Variants in CSMD1 observed in about 807,000 individuals in gnomAD.
CSMD1 encodes the protein CUB and Sushi multiple domains 1.
In CSMD1, 213 loss-of-function variants were observed where a neutral mutation model predicts 417.5. The observed-to-expected ratio is 0.51, with a 90% CI of 0.46 to 0.57. The LOEUF is 0.57. Ranked by LOEUF, CSMD1 falls within the 20% of genes least tolerant of loss-of-function variation. The pLI is 0.00. For missense variants in CSMD1, 6,923 were observed against 4,529.7 expected (o/e 1.53, Z -15.17); for synonymous variants, 2,862 against 1,736.8 (o/e 1.65, Z -16.11).
chr8:3,816,323 C>G (rs906714177), intron 5 of CSMD1, among the ~76,000 whole-genome samples: 18 of 152,164 alleles, frequency 1.2e-4, no homozygotes, highest in African/African-American at 4.1e-4. Context: ...GTGTTTTCAG[C>G]TACCCACAGT....
At chr8:3,148,195 T>C (rs1437584364) in intron 40 of CSMD1, among the ~76,000 whole-genome samples, 2 of 152,146 alleles carry the variant, frequency 1.3e-5, no homozygotes, top group Non-Finnish European at 2.9e-5. Flanking sequence ...TACAAGATAA[T>C]TGTGGTCACC....
chr8:4,225,691 A>C, intron 3 of CSMD1, among the ~76,000 whole-genome samples: 1 of 152,288 alleles, frequency 6.6e-6, no homozygotes, highest in South Asian at 2.1e-4. Context: ...AAACTGTCTC[A>C]CCAGGCAAGG....
intron 2 of CSMD1, among the ~76,000 whole-genome samples, chr8:4,494,521 C>T (rs1430755396): frequency 1.3e-5 from 2 of 152,104 alleles, no homozygotes; most frequent in Non-Finnish European, 2.9e-5. Context: ...CAATAAATTG[C>T]TTCTATCTAA....
At chr8:3,214,004 C>T (rs1445325141) in intron 30 of CSMD1, among the ~76,000 whole-genome samples, 1 of 151,942 alleles carries the variant, frequency 6.6e-6, no homozygotes, top group Non-Finnish European at 1.5e-5. Context: ...CACCACCACA[C>T]CCAGTTAATT....
intron 26 of CSMD1, among the ~76,000 whole-genome samples, chr8:3,238,237 C>T (rs1165223136): frequency 6.6e-6 from 1 of 151,584 alleles, no homozygotes; most frequent in Non-Finnish European, 1.5e-5. Flanking sequence ...CCAGGATGAG[C>T]CAGGAGAAGG....
chr8:3,732,142 G>C (rs552436684), intron 6 of CSMD1, among the ~76,000 whole-genome samples: 2 of 152,162 alleles, frequency 1.3e-5, no homozygotes, highest in African/African-American at 4.8e-5. Context: ...CGGAAGCCAC[G>C]GGCAAGCCCT....
intron 3 of CSMD1, among the ~76,000 whole-genome samples, chr8:4,271,287 A>G (rs1804578785): frequency 6.6e-6 from 1 of 152,214 alleles, no homozygotes; most frequent in Non-Finnish European, 1.5e-5. Flanking sequence ...GTGCCCTAAC[A>G]GCAGGCAACC....
chr8:4,401,458 G>A (rs1435379604), intron 3 of CSMD1, among the ~76,000 whole-genome samples: 1 of 152,052 alleles, frequency 6.6e-6, no homozygotes, highest in Admixed American at 6.6e-5. Flanking sequence ...GTAATTTCAA[G>A]CTTCCAGTGG....
chr8:3,572,406 G>C (rs1233321063), intron 10 of CSMD1, among the ~76,000 whole-genome samples: 1 of 152,128 alleles, frequency 6.6e-6, no homozygotes, highest in Non-Finnish European at 1.5e-5. Flanking sequence ...CCTCATCACA[G>C]GCAGCAGACG....
intron 5 of CSMD1, among the ~76,000 whole-genome samples, chr8:3,802,420 T>C (rs1406486728): frequency 6.6e-6 from 1 of 152,178 alleles, no homozygotes; most frequent in Admixed American, 6.5e-5. Flanking sequence ...ACAAACACTA[T>C]TATTCTTTAG....
At chr8:3,925,880 T>G (rs1027370333) in intron 5 of CSMD1, among the ~76,000 whole-genome samples, 6 of 152,004 alleles carry the variant, frequency 3.9e-5, no homozygotes, top group Admixed American at 1.3e-4. Flanking sequence ...TTTATTCAAG[T>G]TTTATTTTTT....
At position 3,219,357 on chromosome 8, in the gene CSMD1, A is replaced by G. The variant is rs770240879; in HGVS notation, c.4570T>C (p.Ser1524Pro). Residue 1524 changes from serine (S) to proline (P), a missense_variant, in exon 29 of 70, where the codon TCT (serine) becomes CCT (proline). Transcript: ENST00000635120. ...CTCTCTATTCTTTCTGGGGCCTGAGAGCCCTGGTAACTCCCAATGAGGGGG... is the reference window on the plus strand; with the variant it reads ...CTCTCTATTCTTTCTGGGGCCTGAGGGCCCTGGTAACTCCCAATGAGGGGG... ...NSPLIGSYQG[S>P]QAPERIESSG... 39 of 1,573,182 alleles carry G rather than the reference A, an allele frequency of 2.5e-5. No homozygotes were observed. In the Admixed American group the frequency reaches 4.3e-4, roughly 17 times the overall value.
At chr8:3,470,984 G>C (rs1199952456) in intron 11 of CSMD1, among the ~76,000 whole-genome samples, 1 of 152,178 alleles carries the variant, frequency 6.6e-6, no homozygotes, top group African/African-American at 2.4e-5. Flanking sequence ...CTTTGAATAT[G>C]TGTGTGCAGG....
intron 5 of CSMD1, among the ~76,000 whole-genome samples, chr8:3,830,963 G>C (rs1488693499): frequency 6.6e-6 from 1 of 152,072 alleles, no homozygotes; most frequent in African/African-American, 2.4e-5. Context: ...AGTTCACCTA[G>C]GACGATTAAC....
At position 3,708,461 on chromosome 8, in the gene CSMD1, C is replaced by T. The variant is rs868276056; in HGVS notation, c.962G>A (p.Gly321Glu). Reference protein sequence around the residue: ...VKKAIELKSRGVKMLPSKDGS... With the variant: ...VKKAIELKSREVKMLPSKDGS... ...ATCCTTGCTGGGCAGCATCTTGACT[C>T]CTCTTGACTTCAACTCAATCGCCTT... The change falls in exon 7 of 70, where the codon GGA (glycine) becomes GAA (glutamate). Residue 321 changes from glycine (G) to glutamate (E), a missense_variant. Transcript: ENST00000635120. 1 of 1,613,898 alleles carries T rather than the reference C, an allele frequency of 6.2e-7. No homozygotes were observed. Among genetic ancestry groups the T allele is most frequent in the Admixed American group, 1.7e-5 (1 of 60,016 alleles).
In CSMD1 at chr8:4,974,593, A is replaced by C. The variant is rs1051755289; in HGVS notation, c.85+19739T>G. 2.6e-5 allele frequency among the ~76,000 whole-genome samples: 4 copies of C among 152,280 alleles called. No individual in the cohort carries two copies. In the East Asian group the frequency reaches 7.7e-4, roughly 29 times the overall value. ...TGGAGTCGACGTTTTATGTATAACAAACATCAACATATATATTTTTAAAAT... is the reference window on the plus strand; with the variant it reads ...TGGAGTCGACGTTTTATGTATAACACACATCAACATATATATTTTTAAAAT... On this transcript the variant is annotated intron_variant, in intron 1 of 69. Coordinates refer to ENST00000635120, the MANE Select transcript of CSMD1 (RefSeq NM_033225.6).
At chr8:3,457,413 T>C (rs1011095458) in intron 12 of CSMD1, among the ~76,000 whole-genome samples, 2 of 152,176 alleles carry the variant, frequency 1.3e-5, no homozygotes, top group African/African-American at 4.8e-5. Flanking sequence ...TTCTGCTCAC[T>C]CCCTTTCCCA....
chr8:4,984,066 C>G (rs1291499123), intron 1 of CSMD1, among the ~76,000 whole-genome samples: 1 of 152,142 alleles, frequency 6.6e-6, no homozygotes, highest in Non-Finnish European at 1.5e-5. Context: ...ATGCTGTACC[C>G]TACAGAGAAA....
chr8:3,215,188 T>C lies in CSMD1; in HGVS notation c.4673-497A>G, dbSNP rs77600242. 3.7e-3 allele frequency among the ~76,000 whole-genome samples: 569 copies of C among 152,342 alleles called. 4 individuals carry two copies. The highest frequency in any genetic ancestry group is 0.011 in the African/African-American group (442 of 41,584). On this transcript the variant is annotated intron_variant, in intron 29 of 69. Transcript: ENST00000635120. ...CCTGAAAGTTAAGAGCACTTTCTTA[T>C]ACGAATAACAACAGACAGACTTAGA...
Sources: allele counts gnomAD v4.1 joint callset (sites outside exome capture counted in the v4.1 genomes callset), GRCh38; gene constraint gnomAD v4.1.1; transcripts MANE v1.5; gene names NCBI Gene and HGNC (gene_info 2026-07-23, HGNC 2026-07-21).